Variants in CCDC66 observed in about 807,000 individuals in gnomAD.
CCDC66 encodes the protein coiled-coil domain containing 66.
A neutral mutation model predicts 128.3 loss-of-function variants in CCDC66; 133 were observed. The observed-to-expected ratio is 1.04, with a 90% CI of 0.90 to 1.20. The LOEUF (loss-of-function observed/expected upper bound fraction) is 1.20, where lower values mean the gene tolerates loss of function less well. Ranked by LOEUF, CCDC66 falls within the 50% of genes most tolerant of loss-of-function variation. CCDC66 has a pLI of 0.00. For missense variants in CCDC66, 1,126 were observed against 1,075.5 expected, an observed-to-expected ratio of 1.05 and a Z score of -0.66; for synonymous variants, 387 against 357.0, an observed-to-expected ratio of 1.08 and a Z score of -0.95.
intron 10 of CCDC66, among the ~76,000 whole-genome samples, chr3:56,599,306 G>T (rs540073870): frequency 2.6e-5 from 4 of 151,678 alleles, no homozygotes; most frequent in African/African-American, 7.3e-5. Context: ...TTCTCTCTTC[G>T]GTTCTTGGTT....
chr3:56,618,956 G>A (rs539955199), intron 15 of CCDC66: 69 of 228,184 alleles, frequency 3.0e-4, no homozygotes, highest in African/African-American at 1.5e-3. Context: ...TGTGGCTCAC[G>A]CCTGTAATCC....
Position 56,566,695 on chromosome 3 carries a change from G to A in CCDC66, c.646G>A (p.Glu216Lys). The A allele has an allele frequency of 6.2e-7, 1 of 1,613,850 alleles. No individual in the cohort carries two copies. The highest frequency in any genetic ancestry group is 8.5e-7 in the Non-Finnish European group (1 of 1,179,848). Residue 216 changes from glutamate to lysine, a missense_variant, in exon 5 of 18, where the codon GAA (glutamate) becomes AAA (lysine). By Grantham distance (56) the Glu-to-Lys change is moderately conservative (BLOSUM62 1). Coordinates refer to ENST00000394672, the MANE Select transcript of CCDC66 (RefSeq NM_001141947.3). ...KTEMVSSVPA[E>K]NKSVLNEHQE... ...TGAAATGGTTTCATCTGTCCCAGCT[G>A]AAAATAAATCTGTCTTAAATGAACA...
In CCDC66 at chr3:56,619,378, C is replaced by T; in HGVS notation, c.2486C>T (p.Ser829Leu). The T allele has an allele frequency of 2.5e-6, 4 of 1,613,922 alleles. No homozygotes were observed. The highest frequency in any genetic ancestry group is 1.1e-5 in the South Asian group (1 of 91,066). ...AGCTATGAGAGAGAGAATTTGATCTCAGGAAGTAATCAAACAGAATTATCA... is the reference window on the plus strand; with the variant it reads ...AGCTATGAGAGAGAGAATTTGATCTTAGGAAGTAATCAAACAGAATTATCA... ...NSSYERENLI[S>L]GSNQTELSSG... The change falls in exon 16 of 18, where the codon TCA becomes TTA. Residue 829 changes from serine to leucine, a missense_variant. Transcript: ENST00000394672.
intron 10 of CCDC66, among the ~76,000 whole-genome samples, chr3:56,599,068 C>CT (rs1031374480): frequency 2.0e-5 from 3 of 151,874 alleles, no homozygotes; most frequent in Non-Finnish European, 4.4e-5. Flanking sequence ...TGTTGGGAGA[C>CT]TTTTTTATTA....
At chr3:56,558,626 T>C in intron 1 of CCDC66, 1 of 537,390 alleles carries the variant, frequency 1.9e-6, no homozygotes, top group Non-Finnish European at 3.3e-6. Context: ...ATGATAACAA[T>C]GCTTGTAGTA....
At chr3:56,604,773 C>A (rs2073816895) in intron 10 of CCDC66, among the ~76,000 whole-genome samples, 1 of 151,954 alleles carries the variant, frequency 6.6e-6, no homozygotes, top group Non-Finnish European at 1.5e-5. Flanking sequence ...GGTTGCTCTT[C>A]TCCAGGAGTA....
chr3:56,616,053 G>A lies in CCDC66; in HGVS notation c.1843G>A (p.Asp615Asn). 1.3e-6 allele frequency: 2 copies of A among 1,579,434 alleles called. No individual in the cohort carries two copies. Among genetic ancestry groups the A allele is most frequent in the African/African-American group, 1.4e-5 (1 of 72,994 alleles). ...TAAGAAGGATACTGGTGTGCAAACA[G>A]GTATTTGTGTGGAAATTGTGGTTTG... ...TSKKDTGVQTDDLNIGIFTNA... is the reference protein window; with the variant it reads ...TSKKDTGVQTNDLNIGIFTNA... The change falls in exon 13 of 18, where the codon GAT becomes AAT. Residue 615 changes from aspartate (D) to asparagine (N), a missense_variant and splice_region_variant. Transcript: ENST00000394672.
intron 6 of CCDC66, chr3:56,569,386 G>A (rs1191645473): frequency 1.6e-5 from 5 of 303,678 alleles, no homozygotes; most frequent in East Asian, 9.0e-5. Context: ...TTTTACTCAC[G>A]GTGGAAGGCA....
chr3:56,613,484 T>A, intron 10 of CCDC66, 105 bp from the exon 11 acceptor site: 1 of 1,330,428 alleles, frequency 7.5e-7, no homozygotes, highest in Non-Finnish European at 1.0e-6. Context: ...TTGGTTCCCC[T>A]CTGTGGAAGA....
At chr3:56,588,299 T>C (rs908896335) in intron 7 of CCDC66, among the ~76,000 whole-genome samples, 3 of 152,150 alleles carry the variant, frequency 2.0e-5, no homozygotes, top group African/African-American at 4.8e-5. Context: ...TGAGGACTTA[T>C]GGAGAAAGGC....
chr3:56,595,871 G>A (rs1055322606), intron 10 of CCDC66, among the ~76,000 whole-genome samples: 13 of 151,952 alleles, frequency 8.6e-5, no homozygotes, highest in Non-Finnish European at 1.3e-4. Context: ...CCTTTTCTCC[G>A]CTTCCTTGGC....
chr3:56,557,913 A>G (rs780142629), intron 1 of CCDC66: 1 of 152,500 alleles, frequency 6.6e-6, no homozygotes, highest in African/African-American at 2.4e-5. Flanking sequence ...AATAAATAAG[A>G]TAGTGTGTCC....
intron 6 of CCDC66, among the ~76,000 whole-genome samples, chr3:56,568,518 C>T (rs2066194833): frequency 2.0e-5 from 3 of 152,146 alleles, no homozygotes; most frequent in Admixed American, 2.0e-4. Flanking sequence ...TAGGTCGTGT[C>T]TTTTTGTTAC....
rs76470558 is a variant in CCDC66, at chr3:56,607,676, T to C, written c.1405-5913T>C. ...TCTGGCTGGGACTTCCAGTACTACGTTGAAGAGGAGTGATGAGAGTGGGCA... is the reference window on the plus strand; with the variant it reads ...TCTGGCTGGGACTTCCAGTACTACGCTGAAGAGGAGTGATGAGAGTGGGCA... On this transcript the variant is annotated intron_variant, in intron 10 of 17. Transcript: ENST00000394672. 6.9e-3 allele frequency among the ~76,000 whole-genome samples: 1,046 copies of C among 152,332 alleles called. 7 individuals are homozygous for C. Among genetic ancestry groups the C allele is most frequent in the African/African-American group, 0.024 (999 of 41,582 alleles).
In CCDC66 at chr3:56,596,460, C is replaced by T. The variant is rs375736590; in HGVS notation, c.1404+2432C>T. Among the ~76,000 whole-genome samples the T allele has an allele frequency of 3.0e-3, 435 of 144,564 alleles. 11 individuals are homozygous for T. Among genetic ancestry groups the T allele is most frequent in the African/African-American group, 0.01 (421 of 40,176 alleles). 94.8% of individuals were successfully genotyped at this position (144,564 alleles called of 152,430 possible). On this transcript the variant is annotated intron_variant, in intron 10 of 17. Coordinates refer to ENST00000394672, the MANE Select transcript of CCDC66 (RefSeq NM_001141947.3). ...TTCTTAGGCATTCTGGATAGTAGCC[C>T]TTTGTTGGATGAATAGTTTGCAGAT... is the stretch of plus-strand genomic sequence containing the variant.
intron 3 of CCDC66, 189 bp from the exon 4 acceptor site, chr3:56,563,495 C>G: frequency 7.3e-6 from 4 of 545,460 alleles, no homozygotes; most frequent in Non-Finnish European, 1.3e-5. Context: ...AATAAAAGTT[C>G]CTGAAGTAAG....
intron 7 of CCDC66, among the ~76,000 whole-genome samples, chr3:56,590,743 C>A (rs1238095585): frequency 1.3e-5 from 2 of 151,192 alleles, no homozygotes; most frequent in Non-Finnish European, 2.9e-5. Flanking sequence ...ACAGTGAGAC[C>A]CTGCCTAAAA....
intron 10 of CCDC66, among the ~76,000 whole-genome samples, chr3:56,609,459 C>T (rs1011158801): frequency 1.1e-4 from 16 of 152,108 alleles, no homozygotes; most frequent in African/African-American, 2.9e-4. Context: ...TTTTTCCGCT[C>T]ACATAAACTT....
chr3:56,574,444 A>G (rs930561874), intron 7 of CCDC66, among the ~76,000 whole-genome samples: 1 of 151,608 alleles, frequency 6.6e-6, no homozygotes, highest in African/African-American at 2.4e-5. Context: ...GGGAAAAGGA[A>G]TTTGCTGTGT....
Sources: gnomAD v4.1 joint callset for allele counts (sites outside exome capture counted in the v4.1 genomes callset) on GRCh38, gnomAD v4.1.1 for gene constraint, MANE v1.5 for transcripts, NCBI Gene and HGNC (gene_info 2026-07-23, HGNC 2026-07-21) for gene names.